SYN2: variants seen among roughly 807,000 people sequenced by gnomAD.
SYN2 encodes the protein synapsin-2.
In SYN2, 19 loss-of-function variants were observed where a neutral mutation model predicts 50.9. That is an observed-to-expected ratio of 0.37 (90% CI 0.26 to 0.55). The LOEUF (loss-of-function observed/expected upper bound fraction) is 0.55. SYN2 is among the 20% of genes least tolerant of loss of function. The probability of loss-of-function intolerance (pLI) is 0.81; values close to 1 mark genes in which losing one functional copy is unlikely to be tolerated. For synonymous variants in SYN2, 255 were observed against 224.9 expected, an observed-to-expected ratio of 1.13 and a Z score of -1.20; for missense variants, 587 against 576.4, an observed-to-expected ratio of 1.02 and a Z score of -0.19.
chr3:12,021,504 C>CT (rs1694133725), intron 1 of SYN2, among the ~76,000 whole-genome samples: 1 of 152,146 alleles, frequency 6.6e-6, no homozygotes, highest in African/African-American at 2.4e-5. Context: ...TGTCATGCTA[C>CT]TTTGGAGGCT....
chr3:12,106,991 C>T (rs1221995178), intron 1 of SYN2, among the ~76,000 whole-genome samples: 2 of 139,926 alleles, frequency 1.4e-5, no homozygotes, highest in African/African-American at 5.5e-5. Flanking sequence ...GGATTCAGAT[C>T]TTGGCAGAGG....
chr3:12,011,571 G>C (rs780516384), intron 1 of SYN2, among the ~76,000 whole-genome samples: 1 of 152,214 alleles, frequency 6.6e-6, no homozygotes, highest in African/African-American at 2.4e-5. Context: ...ACCAGTTCAT[G>C]TAAGATTGTA....
intron 1 of SYN2, among the ~76,000 whole-genome samples, chr3:12,040,525 C>T (rs572593612): frequency 1.7e-4 from 25 of 150,316 alleles, no homozygotes; most frequent in African/African-American, 4.9e-4. Context: ...CTCTGCCTCC[C>T]GGGTTCAAGC....
At chr3:12,123,441 C>G (rs570105162) in intron 1 of SYN2, among the ~76,000 whole-genome samples, 1 of 152,282 alleles carries the variant, frequency 6.6e-6, no homozygotes, top group South Asian at 2.1e-4. Flanking sequence ...ACAAAACAAT[C>G]TAGAATTTTC....
chr3:12,112,287 G>A (rs1341624833), intron 1 of SYN2, among the ~76,000 whole-genome samples: 1 of 151,922 alleles, frequency 6.6e-6, no homozygotes, highest in Non-Finnish European at 1.5e-5. Context: ...TTTCTTTGAG[G>A]GTATTCCTGG....
At chr3:12,022,928 G>GCGA (rs1694174441) in intron 1 of SYN2, among the ~76,000 whole-genome samples, 1 of 151,588 alleles carries the variant, frequency 6.6e-6, no homozygotes, top group Admixed American at 6.6e-5. Context: ...CAATATGAGA[G>GCGA]CAACACCCTG....
At chr3:12,151,560 G>A (rs1427878843) in intron 5 of SYN2, among the ~76,000 whole-genome samples, 1 of 152,230 alleles carries the variant, frequency 6.6e-6, no homozygotes, top group African/African-American at 2.4e-5. Flanking sequence ...ATCAAGCTGA[G>A]AGAATAACAA....
chr3:12,171,587 A>C (rs918815435), intron 10 of SYN2, among the ~76,000 whole-genome samples: 55 of 152,200 alleles, frequency 3.6e-4, no homozygotes, highest in African/African-American at 1.2e-3. Context: ...TAAAAGTGTA[A>C]ACTTTCATGG....
rs61493973 is a variant in SYN2, at chr3:12,115,625, G to T, written c.378-25026G>T. Among the ~76,000 whole-genome samples, 696 of 152,278 alleles carry T rather than the reference G, an allele frequency of 4.6e-3. 5 individuals carry two copies. The highest frequency in any genetic ancestry group is 0.016 in the African/African-American group (644 of 41,544). On this transcript the variant is annotated intron_variant, in intron 1 of 12. Transcript: ENST00000621198. ...CTGAAACCAGTTCCTTAGAAAAGGTGTGCAAGGGACCCAGAATTCCAATTT... is the reference window on the plus strand; with the variant it reads ...CTGAAACCAGTTCCTTAGAAAAGGTTTGCAAGGGACCCAGAATTCCAATTT...
intron 1 of SYN2, among the ~76,000 whole-genome samples, chr3:12,125,088 C>T (rs1361939204): frequency 8.6e-5 from 13 of 151,730 alleles, no homozygotes; most frequent in Non-Finnish European, 1.6e-4. Context: ...AATCTTGGCT[C>T]ACTGCAACCT....
intron 1 of SYN2, among the ~76,000 whole-genome samples, chr3:12,132,696 A>G (rs756994604): frequency 2.3e-4 from 35 of 152,246 alleles, no homozygotes; most frequent in Non-Finnish European, 4.3e-4. Context: ...TGGACCTAAT[A>G]TGCTGTATCA....
chr3:12,013,642 T>G (rs1405258417), intron 1 of SYN2, among the ~76,000 whole-genome samples: 1 of 152,252 alleles, frequency 6.6e-6, no homozygotes, highest in Non-Finnish European at 1.5e-5. Flanking sequence ...GTCACCTATT[T>G]CAAGTTCTCA....
At chr3:12,131,741 A>G (rs534275576) in intron 1 of SYN2, among the ~76,000 whole-genome samples, 5 of 152,214 alleles carry the variant, frequency 3.3e-5, no homozygotes, top group East Asian at 1.9e-4. Context: ...CAGAAAATCT[A>G]TTCAGAAAAA....
chr3:12,054,414 C>T (rs765346906), intron 1 of SYN2, among the ~76,000 whole-genome samples: 6 of 152,100 alleles, frequency 3.9e-5, no homozygotes, highest in Non-Finnish European at 8.8e-5. Flanking sequence ...GGTGTATAGC[C>T]GGTTGACACA....
At chr3:12,139,731 A>G (rs1218257335) in intron 1 of SYN2, among the ~76,000 whole-genome samples, 4 of 152,200 alleles carry the variant, frequency 2.6e-5, no homozygotes, top group African/African-American at 7.2e-5. Flanking sequence ...ACAGTTGGAA[A>G]TTTCAAGCAC....
In SYN2 at chr3:12,190,470, C is replaced by T; in HGVS notation, c.1614-20C>T. ...TGGGAACACCACCCTCTCACATTCT[C>T]TCTGGTTTTTATCTTCAAGCAAGTC... On this transcript the variant is annotated intron_variant, in intron 12 of 12. Transcript: ENST00000621198. 2.5e-6 allele frequency: 4 copies of T among 1,613,598 alleles called. No homozygotes were observed. Among genetic ancestry groups the T allele is most frequent in the East Asian group, 2.2e-5 (1 of 44,858 alleles).
In SYN2 at chr3:12,187,364, C is replaced by T; in HGVS notation, c.1370-5C>T. 1 of 1,536,976 alleles carries T rather than the reference C, an allele frequency of 6.5e-7. No homozygotes were observed. The highest frequency in any genetic ancestry group is 1.2e-5 in the South Asian group (1 of 83,534). On this transcript the variant is annotated splice_polypyrimidine_tract_variant and splice_region_variant and intron_variant, in intron 11 of 12. Transcript: ENST00000621198. ...ATTATGAAGTTTTTCTTGTACTGAA[C>T]CTAGGGGGCCCTGGGCAACCCCAAG...
At chr3:12,104,501 G>A (rs146138214) in intron 1 of SYN2, among the ~76,000 whole-genome samples, 172 of 151,622 alleles carry the variant, frequency 1.1e-3, no homozygotes, top group Non-Finnish European at 2.0e-3. Flanking sequence ...CACATATACA[G>A]GGCTGTACCC....
intron 1 of SYN2, among the ~76,000 whole-genome samples, chr3:12,084,450 G>A (rs1026195503): frequency 2.6e-5 from 4 of 151,926 alleles, no homozygotes; most frequent in African/African-American, 9.7e-5. Flanking sequence ...AAAAATGAAG[G>A]GGAGATAAAA....
Sources: gnomAD v4.1 joint callset for allele counts (sites outside exome capture counted in the v4.1 genomes callset) on GRCh38, gnomAD v4.1.1 for gene constraint, MANE v1.5 for transcripts, NCBI Gene and HGNC (gene_info 2026-07-23, HGNC 2026-07-21) for gene names.